Variants in PARD6G observed in about 807,000 individuals in gnomAD.
The protein encoded by PARD6G is partitioning defective 6 homolog gamma.
PARD6G carries 7 observed loss-of-function variants against 10.7 expected under a neutral mutation model. The ratio of observed to expected loss-of-function variants is 0.66; its 90% confidence interval spans 0.37 to 1.23. The LOEUF (loss-of-function observed/expected upper bound fraction) is 1.23, where lower values mean the gene tolerates loss of function less well. Ranked by LOEUF, PARD6G falls within the 50% of genes most tolerant of loss-of-function variation. PARD6G has a pLI of 0.02. For missense variants in PARD6G, 548 were observed against 571.8 expected (o/e 0.96, Z 0.42); for synonymous variants, 287 against 269.4 (o/e 1.07, Z -0.64).
At chr18:80,205,487 C>G (rs1967046559) in intron 1 of PARD6G, among the ~76,000 whole-genome samples, 1 of 152,158 alleles carries the variant, frequency 6.6e-6, no homozygotes, top group Admixed American at 6.5e-5. Flanking sequence ...TGGGAGGTGA[C>G]TGGATCATGA....
In PARD6G at chr18:80,160,139, TGTTGCGCTG is replaced by T. The variant is rs1236344443; in HGVS notation, c.754_762del (p.Gln252_Asn254del). On this transcript the variant is annotated inframe_deletion, in exon 3 of 3. Coordinates refer to ENST00000353265, the MANE Select transcript of PARD6G (RefSeq NM_032510.4). ...AACGCGCGGCCGCCGCGCACCACGTTGTTGCGCTGGTTGGCGGGCTTGACGGTGACGATG... is the reference window on the plus strand; with the variant it reads ...AACGCGCGGCCGCCGCGCACCACGTTGTTGGCGGGCTTGACGGTGACGATG... The T allele has an allele frequency of 6.2e-7, 1 of 1,612,996 alleles. No individual in the cohort carries two copies. Among genetic ancestry groups the T allele is most frequent in the Non-Finnish European group, 8.5e-7 (1 of 1,179,702 alleles).
At chr18:80,169,689 T>C (rs12965444) in intron 2 of PARD6G, 28,240 of 152,208 alleles carry the variant, frequency 0.19, 2,817 homozygotes, top group Middle Eastern at 0.28. Flanking sequence ...GAGATACAGC[T>C]TCTTTCTTTC....
chr18:80,237,121 A>G (rs1473387408), intron 1 of PARD6G, among the ~76,000 whole-genome samples: 1 of 152,052 alleles, frequency 6.6e-6, no homozygotes. Flanking sequence ...TACAGTAACC[A>G]AAACAGCATG....
chr18:80,186,955 C>T (rs146010723), intron 2 of PARD6G, among the ~76,000 whole-genome samples: 5,377 of 152,130 alleles, frequency 0.035, 114 homozygotes, highest in South Asian at 0.071. Context: ...AGAAATTAGC[C>T]GGGCGTGGTG....
At chr18:80,224,434 C>T (rs1447515765) in intron 1 of PARD6G, among the ~76,000 whole-genome samples, 2 of 152,174 alleles carry the variant, frequency 1.3e-5, no homozygotes, top group African/African-American at 4.8e-5. Context: ...CTGGACAAAC[C>T]TCCTCATCAT....
intron 2 of PARD6G, among the ~76,000 whole-genome samples, chr18:80,185,302 G>A (rs970559039): frequency 6.6e-6 from 1 of 151,520 alleles, no homozygotes; most frequent in African/African-American, 2.4e-5. Context: ...CATATCCTCA[G>A]AAGGTGATTT....
chr18:80,168,010 C>T (rs1221749890), intron 2 of PARD6G, among the ~76,000 whole-genome samples: 1 of 152,154 alleles, frequency 6.6e-6, no homozygotes. Context: ...GGCCGACACC[C>T]CACTTGGAGG....
rs543567325 is a variant in PARD6G, at chr18:80,189,630, C to A, written c.295+13080G>T. Among the ~76,000 whole-genome samples the A allele has an allele frequency of 1.3e-5, 2 of 152,278 alleles. No homozygotes were observed. Among genetic ancestry groups the A allele is most frequent in the East Asian group, 3.9e-4 (2 of 5,180 alleles). On this transcript the variant is annotated intron_variant, in intron 2 of 2. Transcript: ENST00000353265. This position sits in a 1 kb window ranked among gnomAD's most constrained non-coding sequence, Gnocchi z 5.5. ...CACCAGGCCAGGCAGGTCACCCTGG[C>A]CCCACAGTCCTCCCTGCCTGGCGCA...
intron 2 of PARD6G, among the ~76,000 whole-genome samples, chr18:80,164,098 C>T (rs551835285): frequency 6.6e-6 from 1 of 152,316 alleles, no homozygotes; most frequent in Non-Finnish European, 1.5e-5. Flanking sequence ...AAGGACGGAA[C>T]ACGTGTGGAC....
rs181631390 is a variant in PARD6G, at chr18:80,244,489, T to A, written c.72+2788A>T. Among the ~76,000 whole-genome samples the A allele has an allele frequency of 8.5e-5, 13 of 152,254 alleles. No homozygotes were observed. The East Asian group carries it at 2.5e-3, about 29-fold the overall frequency. ...CTGACCATCTGTGGCAAATGGTGAA[T>A]GACAAAAATTCTGAGAGAACCTAAG... On this transcript the variant is annotated intron_variant, in intron 1 of 2. Coordinates refer to ENST00000353265, the MANE Select transcript of PARD6G (RefSeq NM_032510.4).
intron 2 of PARD6G, among the ~76,000 whole-genome samples, chr18:80,167,087 GT>G (rs1260802352): frequency 1.3e-5 from 2 of 152,190 alleles, no homozygotes; most frequent in Non-Finnish European, 2.9e-5. Flanking sequence ...AACAGTGACA[GT>G]TCACAATTAC....
intron 2 of PARD6G, among the ~76,000 whole-genome samples, chr18:80,187,531 G>A (rs959275678): frequency 3.9e-5 from 6 of 152,164 alleles, no homozygotes; most frequent in African/African-American, 1.2e-4. Context: ...GTGAATCATC[G>A]CAATTCAGGC....
intron 1 of PARD6G, among the ~76,000 whole-genome samples, chr18:80,209,141 C>G (rs980618930): frequency 6.6e-6 from 1 of 151,770 alleles, no homozygotes; most frequent in Non-Finnish European, 1.5e-5. Context: ...AAAAAACACA[C>G]CTTTCCCTCA....
At position 80,160,248 on chromosome 18, in the gene PARD6G, C is replaced by G; in HGVS notation, c.654G>C (p.Glu218Asp). The G allele has an allele frequency of 6.2e-7, 1 of 1,613,092 alleles. No individual in the cohort carries two copies. Among genetic ancestry groups the G allele is most frequent in the African/African-American group, 1.3e-5 (1 of 75,032 alleles). ...GLLAVNDEVLEVNGIEVAGKT... is the reference protein window; with the variant it reads ...GLLAVNDEVLDVNGIEVAGKT... ...TCCCGGCCACCTCAATGCCGTTCAC[C>G]TCCAGGACCTCGTCATTCACAGCCA... The change falls in exon 3 of 3, where the codon GAG becomes GAC. Residue 218 changes from glutamate (E) to aspartate (D), a missense_variant. Around this residue, in one of 2 missense-constraint regions of PARD6G, gnomAD observed 313 missense variants for 279.9 expected, o/e 1.12. Transcript: ENST00000353265.
At chr18:80,186,504 G>A (rs531826349) in intron 2 of PARD6G, among the ~76,000 whole-genome samples, 13 of 148,908 alleles carry the variant, frequency 8.7e-5, no homozygotes, top group East Asian at 6.0e-4. Flanking sequence ...ACACATGCTC[G>A]CACACCCTCA....
Position 80,200,757 on chromosome 18 carries a change from CAG to C in PARD6G, c.295+1951_295+1952del, listed in dbSNP as rs978628731. Among the ~76,000 whole-genome samples, 23 of 152,196 alleles carry C rather than the reference CAG, an allele frequency of 1.5e-4. No individual in the cohort carries two copies. The highest frequency in any genetic ancestry group is 4.8e-4 in the African/African-American group (20 of 41,444). On this transcript the variant is annotated intron_variant, in intron 2 of 2. Transcript: ENST00000353265. The surrounding 1 kb of genome is among the most constrained non-coding windows in gnomAD (Gnocchi z 4.4). ...CCCCAGCCAGCAAGCTGGAAAGAGG[CAG>C]AGTGTCCGAGCTGCTGCTGGAGGTT...
In PARD6G at chr18:80,173,347, G is replaced by A. The variant is rs921308121; in HGVS notation, c.296-12741C>T. On this transcript the variant is annotated intron_variant, in intron 2 of 2. Coordinates refer to ENST00000353265, the MANE Select transcript of PARD6G (RefSeq NM_032510.4). ...TGCTTGGAAAGGGGCAAACGCGGCC[G>A]TGCACGGTGGCTCACGTCTGTAATC... Among the ~76,000 whole-genome samples, 5 of 152,296 alleles carry A rather than the reference G, an allele frequency of 3.3e-5. No homozygotes were observed. In the South Asian group the frequency reaches 6.2e-4, roughly 19 times the overall value.
intron 2 of PARD6G, among the ~76,000 whole-genome samples, chr18:80,186,549 C>A (rs71369942): frequency 6.6e-6 from 1 of 151,944 alleles, no homozygotes; most frequent in South Asian, 2.1e-4. Flanking sequence ...CGCACACCCT[C>A]ACACACATGC....
At chr18:80,168,359 A>G (rs1440105912) in intron 2 of PARD6G, among the ~76,000 whole-genome samples, 1 of 152,190 alleles carries the variant, frequency 6.6e-6, no homozygotes, top group Non-Finnish European at 1.5e-5. Flanking sequence ...CTTTCTTAGA[A>G]ATAAAATTTG....
Sources: gnomAD v4.1 joint callset for allele counts (sites outside exome capture counted in the v4.1 genomes callset) on GRCh38, gnomAD v4.1.1 for gene constraint, gnomAD v4.1.1 regional missense constraint, Gnocchi (gnomAD v3.1) non-coding constraint, MANE v1.5 for transcripts, NCBI Gene and HGNC (gene_info 2026-07-23, HGNC 2026-07-21) for gene names.